Variants in EZH1 observed in about 807,000 individuals in gnomAD.
EZH1 encodes histone-lysine N-methyltransferase EZH1.
A neutral mutation model predicts 100.5 loss-of-function variants in EZH1; 33 were observed. That is an observed-to-expected ratio of 0.33 (90% CI 0.25 to 0.44). EZH1 has a LOEUF of 0.44. Ranked by LOEUF, EZH1 falls within the 20% of genes least tolerant of loss-of-function variation. EZH1 has a pLI of 1.00. For synonymous variants in EZH1, 272 were observed against 313.8 expected (o/e 0.87, Z 1.41); for missense variants, 475 against 928.4 (o/e 0.51, Z 6.35).
chr17:42,733,939 C>CAAAAA (rs71157668), intron 1 of EZH1, among the ~76,000 whole-genome samples: 4 of 50,076 alleles, frequency 8.0e-5, no homozygotes, highest in Non-Finnish European at 9.4e-5. Context: ...GACTCCATCT[C>CAAAAA]AAAAAAAAAA....
chr17:42,713,427 G>A, intron 10 of EZH1, 38 bp from the exon 11 acceptor site: 8 of 1,550,038 alleles, frequency 5.2e-6, no homozygotes, highest in Non-Finnish European at 7.0e-6. Context: ...ATAGGAACAG[G>A]CCCATCACCA....
At chr17:42,709,805 G>T (rs1380845144) in intron 13 of EZH1, 41 bp downstream of exon 13, 1 of 1,595,080 alleles carries the variant, frequency 6.3e-7, no homozygotes, top group East Asian at 2.2e-5. Flanking sequence ...ACAGGGAACA[G>T]CCTGGCTGTA....
chr17:42,710,969 C>A (rs1044925548), intron 12 of EZH1, among the ~76,000 whole-genome samples: 1 of 151,988 alleles, frequency 6.6e-6, no homozygotes, highest in African/African-American at 2.4e-5. Context: ...GAAGAAGAGG[C>A]CACAGAGTCT....
At chr17:42,724,176 C>T in intron 5 of EZH1, 129 bp downstream of exon 5, 4 of 1,061,680 alleles carry the variant, frequency 3.8e-6, no homozygotes, top group Non-Finnish European at 5.5e-6. Context: ...TAAATTACAA[C>T]CTTGTTCTGC....
rs2053652943 is a variant in EZH1 at position 42,718,765 on chromosome 17, A to T, written c.768-148T>A. 1 of 753,210 alleles carries T rather than the reference A, an allele frequency of 1.3e-6. No homozygotes were observed. Among genetic ancestry groups the T allele is most frequent in the Non-Finnish European group, 2.1e-6 (1 of 471,122 alleles). 46.7% of individuals were successfully genotyped at this position (753,210 alleles called of 1,614,324 possible). A position where few individuals can be genotyped will look rare whatever the true frequency, so the allele number is the denominator to read the frequency against. ...TCTGGTTGATAAGAGAATGGTAGAT[A>T]ACTAGAGTGGGTCCACCATTGTAAT... On this transcript the variant is annotated intron_variant, in intron 8 of 20. Coordinates refer to ENST00000428826, the MANE Select transcript of EZH1 (RefSeq NM_001991.5). This position sits in a 1 kb window ranked among gnomAD's most constrained non-coding sequence, Gnocchi z 4.2.
intron 14 of EZH1, 88 bp from the exon 15 acceptor site, chr17:42,708,171 G>A (rs1354989904): frequency 1.4e-6 from 2 of 1,476,236 alleles, no homozygotes; most frequent in Non-Finnish European, 1.8e-6. Flanking sequence ...TGATTCAGAG[G>A]AGGCTGGTCC....
intron 12 of EZH1, among the ~76,000 whole-genome samples, chr17:42,710,215 G>A (rs977030736): frequency 2.6e-5 from 4 of 152,158 alleles, no homozygotes; most frequent in East Asian, 1.9e-4. Flanking sequence ...ACCAAGCCAC[G>A]GGTAGAAGAG....
rs2053652448 is a variant in EZH1 at position 42,718,748 on chromosome 17, A to G, written c.768-131T>C. 1 of 867,102 alleles carries G rather than the reference A, an allele frequency of 1.2e-6. No individual in the cohort carries two copies. Among genetic ancestry groups the G allele is most frequent in the Non-Finnish European group, 1.8e-6 (1 of 567,704 alleles). The allele number at this position is 867,102 out of a possible 1,614,324, so 53.7% of individuals were successfully genotyped here. A position where few individuals can be genotyped will look rare whatever the true frequency, so the allele number is the denominator to read the frequency against. ...TGGGTGTTTTTTATAGGTCTGGTTG[A>G]TAAGAGAATGGTAGATAACTAGAGT... On this transcript the variant is annotated intron_variant, in intron 8 of 20. Coordinates refer to ENST00000428826, the MANE Select transcript of EZH1 (RefSeq NM_001991.5). This position sits in a 1 kb window ranked among gnomAD's most constrained non-coding sequence, Gnocchi z 4.2.
At chr17:42,717,755 C>G (rs2053633591) in intron 10 of EZH1, among the ~76,000 whole-genome samples, 4 of 152,180 alleles carry the variant, frequency 2.6e-5, no homozygotes, top group Admixed American at 2.6e-4. Flanking sequence ...AGCAGGCAAG[C>G]CTTTAATGAT....
chr17:42,728,817 T>G lies in EZH1; in HGVS notation c.117+8A>C. ...TATATAAACTTTCACTTGGGAATTA[T>G]TTTTTACCTTTGCACCCATATTTGC... On this transcript the variant is annotated splice_region_variant and intron_variant, in intron 3 of 20. Coordinates refer to ENST00000428826, the MANE Select transcript of EZH1 (RefSeq NM_001991.5). 1.2e-6 allele frequency: 2 copies of G among 1,611,474 alleles called. No homozygotes were observed. Among genetic ancestry groups the G allele is most frequent in the Non-Finnish European group, 1.7e-6 (2 of 1,179,082 alleles).
chr17:42,734,000 T>A (rs1197245799), intron 1 of EZH1, among the ~76,000 whole-genome samples: 6 of 149,186 alleles, frequency 4.0e-5, no homozygotes, highest in Non-Finnish European at 7.4e-5. Flanking sequence ...ATTTAACCCA[T>A]TACCACACAT....
At chr17:42,720,142 T>C (rs963820038) in intron 7 of EZH1, 131 bp downstream of exon 7, 2 of 859,524 alleles carry the variant, frequency 2.3e-6, no homozygotes, top group Admixed American at 6.3e-5. Flanking sequence ...CACTTAATGA[T>C]CATGTTCTCC....
chr17:42,706,784 G>A lies in EZH1; in HGVS notation c.1661-599C>T, dbSNP rs1567984414. On this transcript the variant is annotated intron_variant, in intron 15 of 20. Transcript: ENST00000428826. The surrounding 1 kb of genome is among the most constrained non-coding windows in gnomAD (Gnocchi z 4.4). ...ATCCTCTCCCTCCCACTGAGGTGGA[G>A]AGTACCCCAGAGAATATGAAATCAG... Among the ~76,000 whole-genome samples, 1 of 152,144 alleles carries A rather than the reference G, an allele frequency of 6.6e-6. No homozygotes were observed. The highest frequency in any genetic ancestry group is 1.5e-5 in the Non-Finnish European group (1 of 68,032).
chr17:42,723,710 T>G (rs868270677), intron 5 of EZH1, among the ~76,000 whole-genome samples: 2 of 152,178 alleles, frequency 1.3e-5, no homozygotes, highest in African/African-American at 2.4e-5. Context: ...TTCTGAAGTT[T>G]TATTCTAAGA....
chr17:42,709,616 A>G, intron 13 of EZH1: 1 of 444,956 alleles, frequency 2.2e-6, no homozygotes, highest in Non-Finnish European at 4.0e-6. Context: ...AAATAGAAAA[A>G]CAGACAGTTA....
At position 42,738,117 on chromosome 17, in the gene EZH1, A is replaced by C. The variant is rs187775397; in HGVS notation, c.-103+6894T>G. Among the ~76,000 whole-genome samples, 775 of 150,000 alleles carry C rather than the reference A, an allele frequency of 5.2e-3. 6 individuals are homozygous for C. Among genetic ancestry groups the C allele is most frequent in the African/African-American group, 0.018 (743 of 40,856 alleles). On this transcript the variant is annotated intron_variant, in intron 1 of 20. Transcript: ENST00000428826. ...CGTGAACCCAGGAGGCGGAGCTTGCAGTGAGCCGAGACGGTGCCACTGAAC... is the reference window on the plus strand; with the variant it reads ...CGTGAACCCAGGAGGCGGAGCTTGCCGTGAGCCGAGACGGTGCCACTGAAC...
chr17:42,743,171 C>CTTTTTT (rs543119090), intron 1 of EZH1, among the ~76,000 whole-genome samples: 1 of 123,898 alleles, frequency 8.1e-6, no homozygotes. Context: ...GCCAGGCCTC[C>CTTTTTT]TTTTTTTTTT....
chr17:42,703,998 G>A (rs1290365110), intron 18 of EZH1, among the ~76,000 whole-genome samples, 178 bp from the exon 19 acceptor site: 2 of 152,196 alleles, frequency 1.3e-5, no homozygotes, highest in Non-Finnish European at 2.9e-5. Flanking sequence ...AGCCTTGTGT[G>A]GGAGCACTCC....
chr17:42,715,934 C>G (rs560920160), intron 10 of EZH1, among the ~76,000 whole-genome samples: 4 of 151,632 alleles, frequency 2.6e-5, no homozygotes, highest in African/African-American at 9.7e-5. Context: ...GTAATCCCAG[C>G]TACTTGGGAG....
Sources: gnomAD v4.1 joint callset for allele counts (sites outside exome capture counted in the v4.1 genomes callset) on GRCh38, gnomAD v4.1.1 for gene constraint, Gnocchi (gnomAD v3.1) non-coding constraint, MANE v1.5 for transcripts, NCBI Gene and HGNC (gene_info 2026-07-23, HGNC 2026-07-21) for gene names.